Variants in ZBTB7C observed in about 807,000 individuals in gnomAD.
The protein encoded by ZBTB7C is zinc finger and BTB domain containing 7C.
Under a neutral mutation model 25.7 loss-of-function variants are expected in ZBTB7C, and 8 were observed. The observed-to-expected ratio is 0.31, with a 90% CI of 0.18 to 0.56. ZBTB7C has a LOEUF of 0.56. Ranked by LOEUF, ZBTB7C falls within the 20% of genes least tolerant of loss-of-function variation. ZBTB7C has a pLI of 0.91. For synonymous variants in ZBTB7C, 394 were observed against 369.0 expected, an observed-to-expected ratio of 1.07 and a Z score of -0.78; for missense variants, 824 against 855.2, an observed-to-expected ratio of 0.96 and a Z score of 0.46.
At chr18:48,162,708 C>A (rs1305928327) in intron 3 of ZBTB7C, among the ~76,000 whole-genome samples, 8 of 152,166 alleles carry the variant, frequency 5.3e-5, no homozygotes, top group African/African-American at 1.7e-4. Context: ...AGTTCCCCCA[C>A]AGGAAAATAG....
intron 2 of ZBTB7C, among the ~76,000 whole-genome samples, chr18:48,243,217 T>A (rs1257121775): frequency 1.5e-5 from 2 of 132,914 alleles, no homozygotes; most frequent in Non-Finnish European, 3.0e-5. Flanking sequence ...TGAGCCAAGA[T>A]CATGCCACTG....
At chr18:48,286,788 A>C (rs540137734) in intron 2 of ZBTB7C, among the ~76,000 whole-genome samples, 69 of 152,308 alleles carry the variant, frequency 4.5e-4, no homozygotes, top group African/African-American at 1.7e-3. Context: ...ACGGTGGCTC[A>C]TGCCTGTAAT....
chr18:48,057,920 C>T (rs1323919343), intron 3 of ZBTB7C, among the ~76,000 whole-genome samples: 1 of 152,180 alleles, frequency 6.6e-6, no homozygotes, highest in Non-Finnish European at 1.5e-5. Context: ...CCATGTTCTG[C>T]CCAGCACCTG....
At chr18:48,363,149 T>C (rs948415191) in intron 1 of ZBTB7C, among the ~76,000 whole-genome samples, 1 of 152,222 alleles carries the variant, frequency 6.6e-6, no homozygotes, top group African/African-American at 2.4e-5. Context: ...TGAAAGATAC[T>C]GAGGCTCACT....
At chr18:48,197,109 A>G (rs546421026) in intron 2 of ZBTB7C, among the ~76,000 whole-genome samples, 1 of 152,266 alleles carries the variant, frequency 6.6e-6, no homozygotes, top group African/African-American at 2.4e-5. Flanking sequence ...ATGCTCCACT[A>G]TTAGAGATGT....
intron 2 of ZBTB7C, among the ~76,000 whole-genome samples, chr18:48,289,971 T>C (rs1459770237): frequency 6.6e-6 from 1 of 152,222 alleles, no homozygotes; most frequent in Non-Finnish European, 1.5e-5. Flanking sequence ...TGTAGCAATA[T>C]GGATAGGTGC....
At chr18:48,278,719 C>A (rs1026390333) in intron 2 of ZBTB7C, among the ~76,000 whole-genome samples, 1 of 152,158 alleles carries the variant, frequency 6.6e-6, no homozygotes, top group African/African-American at 2.4e-5. Context: ...TGAGCCACCG[C>A]GTCCAGCCAT....
At chr18:48,315,352 C>T (rs1470627922) in intron 2 of ZBTB7C, among the ~76,000 whole-genome samples, 1 of 152,146 alleles carries the variant, frequency 6.6e-6, no homozygotes, top group Non-Finnish European at 1.5e-5. Context: ...TTTCTGTGAT[C>T]TAGTGAGGAA....
chr18:48,298,821 C>A (rs2045468612), intron 2 of ZBTB7C, among the ~76,000 whole-genome samples: 1 of 152,196 alleles, frequency 6.6e-6, no homozygotes, highest in Non-Finnish European at 1.5e-5. Flanking sequence ...CAGATCCATC[C>A]TGGAGCACTT....
At chr18:48,134,684 C>A (rs975614041) in intron 3 of ZBTB7C, among the ~76,000 whole-genome samples, 1 of 152,240 alleles carries the variant, frequency 6.6e-6, no homozygotes, top group African/African-American at 2.4e-5. Context: ...TGGGCAGATG[C>A]ATCAGCAGGG....
chr18:48,195,398 C>T (rs753567537), intron 2 of ZBTB7C, among the ~76,000 whole-genome samples: 6 of 152,268 alleles, frequency 3.9e-5, no homozygotes, highest in Admixed American at 2.0e-4. Context: ...ATAGTGAATA[C>T]GTCTCATGAG....
At chr18:48,289,689 T>G (rs1383624407) in intron 2 of ZBTB7C, among the ~76,000 whole-genome samples, 1 of 152,122 alleles carries the variant, frequency 6.6e-6, no homozygotes, top group Non-Finnish European at 1.5e-5. Context: ...AAAAATAATT[T>G]GTACCCCCAT....
intron 4 of ZBTB7C, 99 bp from the exon 5 acceptor site, chr18:48,030,010 C>A: frequency 1.3e-6 from 2 of 1,521,848 alleles, no homozygotes; most frequent in Admixed American, 3.7e-5. Flanking sequence ...AGGCTCCCTA[C>A]TGCCATGGAG....
intron 2 of ZBTB7C, among the ~76,000 whole-genome samples, chr18:48,204,274 T>C (rs2042527380): frequency 1.3e-5 from 2 of 152,152 alleles, no homozygotes; most frequent in African/African-American, 2.4e-5. Context: ...ACTCTGCGCA[T>C]GCCCAGTCTC....
Position 48,251,744 on chromosome 18 carries a change from C to G in ZBTB7C, c.-78-65749G>C, listed in dbSNP as rs545504173. 2.4e-4 allele frequency among the ~76,000 whole-genome samples: 37 copies of G among 152,320 alleles called. 1 individual carries two copies. The South Asian group carries it at 6.4e-3, about 26-fold the overall frequency. ...CCAGCTTCTTCGTGGACTATGCAAACGTCACACCTGCTCTGACCAATCTCT... is the reference window on the plus strand; with the variant it reads ...CCAGCTTCTTCGTGGACTATGCAAAGGTCACACCTGCTCTGACCAATCTCT... On this transcript the variant is annotated intron_variant, in intron 2 of 4. Coordinates refer to ENST00000590800, the MANE Select transcript of ZBTB7C (RefSeq NM_001318841.2).
At chr18:48,264,306 G>T (rs2044250748) in intron 2 of ZBTB7C, among the ~76,000 whole-genome samples, 1 of 152,210 alleles carries the variant, frequency 6.6e-6, no homozygotes, top group African/African-American at 2.4e-5. Flanking sequence ...ACCACAGAAT[G>T]AAATCACCTT....
rs551211618 is a variant in ZBTB7C, at chr18:48,097,930, T to C, written c.-16-56807A>G. Reference sequence around the variant, plus strand: ...CATCTTCACTAATACAATACCTGTGTTACCACCCAGCCTCTCTCAGCAGGC... The same window carrying C: ...CATCTTCACTAATACAATACCTGTGCTACCACCCAGCCTCTCTCAGCAGGC... On this transcript the variant is annotated intron_variant, in intron 3 of 4. Transcript: ENST00000590800. Among the ~76,000 whole-genome samples the C allele has an allele frequency of 2.0e-5, 3 of 152,250 alleles. No individual in the cohort carries two copies. In the South Asian group the frequency reaches 6.2e-4, roughly 32 times the overall value.
chr18:48,106,446 T>C (rs2039030885), intron 3 of ZBTB7C, among the ~76,000 whole-genome samples: 1 of 145,494 alleles, frequency 6.9e-6, no homozygotes, highest in Non-Finnish European at 1.5e-5. Context: ...CCAAACCCTA[T>C]TATAATGAAT....
chr18:48,394,547 G>A (rs2047975932), intron 1 of ZBTB7C, among the ~76,000 whole-genome samples: 1 of 152,160 alleles, frequency 6.6e-6, no homozygotes, highest in Admixed American at 6.5e-5. Flanking sequence ...TGCACCATGT[G>A]TATGATATAT....
Sources: gnomAD v4.1 joint callset for allele counts (sites outside exome capture counted in the v4.1 genomes callset) on GRCh38, gnomAD v4.1.1 for gene constraint, MANE v1.5 for transcripts, NCBI Gene and HGNC (gene_info 2026-07-23, HGNC 2026-07-21) for gene names.